Variants in ADD3 observed in about 807,000 individuals in gnomAD.
ADD3 encodes the protein gamma-adducin.
In ADD3, 25 loss-of-function variants were observed where a neutral mutation model predicts 80.2. The ratio of observed to expected loss-of-function variants is 0.31; its 90% CI spans 0.23 to 0.44. ADD3 has a LOEUF of 0.44. Among genes scored for constraint, ADD3 ranks in the 20% least tolerant of loss-of-function variants. ADD3 has a pLI of 1.00. For synonymous variants in ADD3, 284 were observed against 289.6 expected (o/e 0.98, Z 0.20); for missense variants, 829 against 847.5 (o/e 0.98, Z 0.27).
chr10:110,008,544 G>C (rs1207982869), intron 1 of ADD3, among the ~76,000 whole-genome samples: 1 of 152,204 alleles, frequency 6.6e-6, no homozygotes, highest in African/African-American at 2.4e-5. Flanking sequence ...GGAGGGTCCG[G>C]GGGTGGCGGT....
At chr10:110,053,810 A>G (rs1564898854) in intron 1 of ADD3, among the ~76,000 whole-genome samples, 1 of 152,208 alleles carries the variant, frequency 6.6e-6, no homozygotes, top group Admixed American at 6.5e-5. Context: ...TTTAACTTTT[A>G]TGGAAGGCAA....
chr10:110,055,129 G>A (rs1225818652), intron 1 of ADD3, among the ~76,000 whole-genome samples: 1 of 152,160 alleles, frequency 6.6e-6, no homozygotes, highest in Non-Finnish European at 1.5e-5. Context: ...AATATTAGCT[G>A]TTTTAATGCT....
chr10:110,073,084 C>T (rs1844939686), intron 1 of ADD3, among the ~76,000 whole-genome samples: 1 of 151,326 alleles, frequency 6.6e-6, no homozygotes, highest in Non-Finnish European at 1.5e-5. Context: ...GACTTATCTC[C>T]ATTGCCACTA....
At chr10:110,061,855 T>C (rs1212903143) in intron 1 of ADD3, among the ~76,000 whole-genome samples, 1 of 152,052 alleles carries the variant, frequency 6.6e-6, no homozygotes, top group Non-Finnish European at 1.5e-5. Flanking sequence ...ACCAAAATCA[T>C]TGTGGGAGTT....
At position 110,107,742 on chromosome 10, in the gene ADD3, TTAAA is replaced by T. The variant is rs775766999; in HGVS notation, c.196-5030_196-5027del. On this transcript the variant is annotated intron_variant, in intron 2 of 14. Coordinates refer to ENST00000356080, the MANE Select transcript of ADD3 (RefSeq NM_016824.5). ...AAAATACCTCACACGGTTGTGACAA[TTAAA>T]TAAAATAACATAAGAGCATGCAGTA... Among the ~76,000 whole-genome samples the T allele has an allele frequency of 1.1e-3, 173 of 152,120 alleles. 1 individual carries two copies. Among genetic ancestry groups the T allele is most frequent in the Non-Finnish European group, 2.0e-3 (134 of 67,972 alleles).
intron 1 of ADD3, among the ~76,000 whole-genome samples, chr10:110,063,942 T>C (rs991891513): frequency 1.4e-4 from 21 of 151,684 alleles, no homozygotes; most frequent in African/African-American, 4.8e-4. Flanking sequence ...AGTTTAGTTT[T>C]GAATACCATA....
intron 1 of ADD3, among the ~76,000 whole-genome samples, chr10:110,037,590 G>A (rs1462509793): frequency 7.2e-6 from 1 of 139,570 alleles, no homozygotes; most frequent in African/African-American, 2.7e-5. Flanking sequence ...GGGCGACAGG[G>A]CAAGACTCAG....
intron 1 of ADD3, among the ~76,000 whole-genome samples, chr10:110,076,070 A>C (rs1472989924): frequency 6.6e-6 from 1 of 152,188 alleles, no homozygotes; most frequent in Non-Finnish European, 1.5e-5. Flanking sequence ...GTTCTCTCAA[A>C]TCCTTTTCCA....
intron 1 of ADD3, among the ~76,000 whole-genome samples, chr10:110,080,256 CT>C (rs1216454590): frequency 6.6e-6 from 1 of 152,106 alleles, no homozygotes; most frequent in Non-Finnish European, 1.5e-5. Context: ...ACCTGACCTC[CT>C]TGAATCCTCA....
At chr10:110,033,713 G>A (rs1554908068) in intron 1 of ADD3, among the ~76,000 whole-genome samples, 1 of 152,172 alleles carries the variant, frequency 6.6e-6, no homozygotes, top group Non-Finnish European at 1.5e-5. Context: ...TATGTATATA[G>A]TGCAAATACT....
At chr10:110,085,576 TA>T (rs1177905338) in intron 1 of ADD3, among the ~76,000 whole-genome samples, 1 of 152,160 alleles carries the variant, frequency 6.6e-6, no homozygotes. Context: ...ATCCAATCAG[TA>T]CCAGGGAGAT....
intron 1 of ADD3, among the ~76,000 whole-genome samples, chr10:109,998,765 G>T (rs1370107427): frequency 6.6e-6 from 1 of 152,040 alleles, no homozygotes; most frequent in Non-Finnish European, 1.5e-5. Flanking sequence ...GCCGACTACA[G>T]ATCATTCAGG....
chr10:110,096,773 A>G (rs1848218227), intron 1 of ADD3, among the ~76,000 whole-genome samples: 1 of 152,208 alleles, frequency 6.6e-6, no homozygotes, highest in East Asian at 1.9e-4. Flanking sequence ...AGGGATAGGA[A>G]AATAGTCTCT....
At position 110,026,444 on chromosome 10, in the gene ADD3, C is replaced by T. The variant is rs895990727; in HGVS notation, c.-30+18145C>T. ...TACAGGCACGTGCCACCACGCCTGG[C>T]TAATTTTGTATTTTTAGTAGAGATG... On this transcript the variant is annotated intron_variant, in intron 1 of 14. Transcript: ENST00000356080. Among the ~76,000 whole-genome samples the T allele has an allele frequency of 6.6e-5, 10 of 152,134 alleles. No individual in the cohort carries two copies. The South Asian group carries it at 1.7e-3, about 25-fold the overall frequency.
chr10:110,113,015 G>C lies in ADD3; in HGVS notation c.334+100G>C. On this transcript the variant is annotated intron_variant, in intron 3 of 14. Transcript: ENST00000356080. ...TATTCTGCTCGGGTTCAGTCCTTAA[G>C]TTTATAACATCTAATACTTAGAGTA... 7 of 1,271,846 alleles carry C rather than the reference G, an allele frequency of 5.5e-6. No individual in the cohort carries two copies. In the South Asian group the frequency reaches 8.5e-5, roughly 15 times the overall value. 78.8% of individuals were successfully genotyped at this position (1,271,846 alleles called of 1,614,324 possible). A position where few individuals can be genotyped will look rare whatever the true frequency, so the allele number is the denominator to read the frequency against.
chr10:110,122,798 T>A (rs975753321), intron 9 of ADD3, among the ~76,000 whole-genome samples: 6 of 151,984 alleles, frequency 3.9e-5, no homozygotes, highest in African/African-American at 1.2e-4. Flanking sequence ...ATTTATTTTT[T>A]TTTTTTTACT....
At chr10:110,094,211 G>T (rs757917016) in intron 1 of ADD3, among the ~76,000 whole-genome samples, 48 of 152,018 alleles carry the variant, frequency 3.2e-4, no homozygotes, top group Admixed American at 1.0e-3. Context: ...CATAAACATG[G>T]CGTGATGGGT....
At chr10:110,015,289 A>G (rs12268462) in intron 1 of ADD3, among the ~76,000 whole-genome samples, 42,170 of 152,000 alleles carry the variant, frequency 0.28, 8,802 homozygotes, top group African/African-American at 0.57. Flanking sequence ...TAAAGTACAC[A>G]TTATCAATGA....
chr10:110,029,236 C>A (rs186313689), intron 1 of ADD3, among the ~76,000 whole-genome samples: 136 of 152,274 alleles, frequency 8.9e-4, no homozygotes, highest in Non-Finnish European at 1.4e-3. Context: ...GGAATGTAGA[C>A]ATTTTATGTC....
Sources: allele counts gnomAD v4.1 joint callset (sites outside exome capture counted in the v4.1 genomes callset), GRCh38; gene constraint gnomAD v4.1.1; transcripts MANE v1.5; gene names NCBI Gene and HGNC (gene_info 2026-07-23, HGNC 2026-07-21).